NRXN3: variants seen among roughly 807,000 people sequenced by gnomAD.
NRXN3 encodes neurexin 3, also known as neurexin III.
In NRXN3, 32 loss-of-function variants were observed where a neutral mutation model predicts 137.6. That is an observed-to-expected ratio of 0.23 (90% CI 0.18 to 0.31). The LOEUF is 0.31. Among genes scored for constraint, NRXN3 ranks in the 10% least tolerant of loss-of-function variants. NRXN3 has a pLI of 1.00. For missense variants in NRXN3, 1,574 were observed against 2,062.5 expected (o/e 0.76, Z 4.59); for synonymous variants, 798 against 784.5 (o/e 1.02, Z -0.29).
rs1224706098 is a variant in NRXN3 at position 78,615,179 on chromosome 14, T to G, written c.758-29941T>G. 22 of 438,488 alleles carry G rather than the reference T, an allele frequency of 5.0e-5. No individual in the cohort carries two copies. In the Admixed American group the frequency reaches 5.3e-4, roughly 10 times the overall value. The allele number at this position is 438,488 out of a possible 1,614,324, so 27.2% of individuals were successfully genotyped here. ...ATCTTACATGTATACCATTGAACTT[T>G]TATCTCATTAGGTCCTCACTATAGT... is the stretch of plus-strand genomic sequence containing the variant. On this transcript the variant is annotated intron_variant, in intron 4 of 20. Transcript: ENST00000335750.
At chr14:79,027,541 C>T (rs748124208) in intron 15 of NRXN3, among the ~76,000 whole-genome samples, 5 of 152,150 alleles carry the variant, frequency 3.3e-5, no homozygotes, top group Non-Finnish European at 7.4e-5. Flanking sequence ...TTGAAGGTTG[C>T]TGCTGTGTGC....
intron 10 of NRXN3, among the ~76,000 whole-genome samples, chr14:78,831,297 C>T (rs1427752341): frequency 6.6e-6 from 1 of 152,000 alleles, no homozygotes; most frequent in African/African-American, 2.4e-5. Context: ...CCTGTAACCC[C>T]AGCACTTTGG....
chr14:79,258,732 C>A (rs1008786398), intron 15 of NRXN3, among the ~76,000 whole-genome samples: 1 of 152,200 alleles, frequency 6.6e-6, no homozygotes, highest in Admixed American at 6.5e-5. Flanking sequence ...AAGTAACAAA[C>A]ACTGCCTTTC....
chr14:78,837,409 T>A (rs17108301), intron 10 of NRXN3, among the ~76,000 whole-genome samples: 1 of 152,100 alleles, frequency 6.6e-6, no homozygotes, highest in African/African-American at 2.4e-5. Flanking sequence ...GCCTGGTGAG[T>A]GATCCTGGAA....
chr14:79,026,474 T>G (rs1233760143), intron 15 of NRXN3, among the ~76,000 whole-genome samples: 1 of 152,042 alleles, frequency 6.6e-6, no homozygotes, highest in Non-Finnish European at 1.5e-5. Flanking sequence ...GAGGCCCTGG[T>G]AGGTGTGGAG....
chr14:78,555,693 T>G (rs1380973651), intron 4 of NRXN3, among the ~76,000 whole-genome samples: 1 of 152,200 alleles, frequency 6.6e-6, no homozygotes, highest in African/African-American at 2.4e-5. Context: ...TATATGTGTA[T>G]CTTAGATGTA....
intron 4 of NRXN3, among the ~76,000 whole-genome samples, chr14:78,487,640 G>C (rs1439093551): frequency 1.3e-5 from 2 of 151,866 alleles, no homozygotes; most frequent in Admixed American, 6.6e-5. Flanking sequence ...TACTCAGGAG[G>C]CTAAGGCATA....
intron 8 of NRXN3, among the ~76,000 whole-genome samples, chr14:78,719,365 C>T (rs11845056): frequency 0.11 from 17,288 of 152,258 alleles, 1,132 homozygotes; most frequent in African/African-American, 0.18. Flanking sequence ...GCAGCTGCTG[C>T]TCCTCTCCAT....
chr14:78,401,273 T>C (rs1451083288), intron 4 of NRXN3, among the ~76,000 whole-genome samples: 1 of 152,192 alleles, frequency 6.6e-6, no homozygotes, highest in Non-Finnish European at 1.5e-5. Flanking sequence ...CAAGTGATTC[T>C]CCTGCCTCAG....
chr14:78,757,896 A>G (rs925802841), intron 8 of NRXN3, among the ~76,000 whole-genome samples: 2 of 151,948 alleles, frequency 1.3e-5, no homozygotes, highest in African/African-American at 4.8e-5. Context: ...TTTTCTATAA[A>G]CCTAAACTTC....
chr14:78,232,549 C>G (rs946342877), intron 1 of NRXN3, among the ~76,000 whole-genome samples: 1 of 152,164 alleles, frequency 6.6e-6, no homozygotes, highest in Non-Finnish European at 1.5e-5. Context: ...AGATTGTCCT[C>G]TAGGGCTGAA....
At chr14:79,840,535 A>G (rs745926365) in intron 20 of NRXN3, among the ~76,000 whole-genome samples, 2 of 152,164 alleles carry the variant, frequency 1.3e-5, no homozygotes, top group Admixed American at 1.3e-4. Context: ...TCCCATACTC[A>G]GTGAGAACTG....
intron 20 of NRXN3, among the ~76,000 whole-genome samples, chr14:79,819,482 CT>C (rs58492725): frequency 5.6e-4 from 40 of 71,920 alleles, no homozygotes; most frequent in Admixed American, 9.6e-4. Context: ...ACATTAAAAG[CT>C]TTTTTTTTTT....
rs1203471069 is a variant in NRXN3 at position 78,436,953 on chromosome 14, G to A, written c.757+139093G>A. ...ATGGCTAAGAGCATGAACTCTGGCA[G>A]GTTTGAACTACCAGTGTTCAAAACC... On this transcript the variant is annotated intron_variant, in intron 4 of 20. Coordinates refer to ENST00000335750, the MANE Select transcript of NRXN3 (RefSeq NM_001330195.2). Among the ~76,000 whole-genome samples the A allele has an allele frequency of 8.5e-5, 13 of 152,146 alleles. No homozygotes were observed. In the East Asian group the frequency reaches 2.3e-3, roughly 27 times the overall value.
At chr14:78,303,876 C>A (rs534709241) in intron 4 of NRXN3, among the ~76,000 whole-genome samples, 1 of 152,166 alleles carries the variant, frequency 6.6e-6, no homozygotes, top group Non-Finnish European at 1.5e-5. Context: ...CTCCCCAACA[C>A]CTGTCCCACA....
chr14:78,342,713 C>T (rs1597528440), intron 4 of NRXN3, among the ~76,000 whole-genome samples: 1 of 152,184 alleles, frequency 6.6e-6, no homozygotes, highest in Non-Finnish European at 1.5e-5. Context: ...CATGTGTCTA[C>T]AGCACCAAAG....
intron 15 of NRXN3, among the ~76,000 whole-genome samples, chr14:79,148,666 G>T (rs1199509466): frequency 6.6e-6 from 1 of 152,086 alleles, no homozygotes; most frequent in African/African-American, 2.4e-5. Context: ...CTTGGATCCT[G>T]GGGAAATTAA....
chr14:79,751,808 T>G (rs2154090452), intron 19 of NRXN3, among the ~76,000 whole-genome samples: 1 of 152,096 alleles, frequency 6.6e-6, no homozygotes, highest in East Asian at 1.9e-4. Flanking sequence ...TCAAAGGCCT[T>G]TTCTGCATCT....
chr14:79,750,947 T>A (rs1345335378), intron 19 of NRXN3, among the ~76,000 whole-genome samples: 2 of 152,198 alleles, frequency 1.3e-5, no homozygotes, highest in Admixed American at 6.5e-5. Flanking sequence ...GATGATGGTA[T>A]GCTCTCTGAA....
Sources: gnomAD v4.1 joint callset for allele counts (sites outside exome capture counted in the v4.1 genomes callset) on GRCh38, gnomAD v4.1.1 for gene constraint, MANE v1.5 for transcripts, NCBI Gene and HGNC (gene_info 2026-07-23, HGNC 2026-07-21) for gene names.